The following LITAF variants were observed in gnomAD, a reference collection of about 807,000 sequenced individuals.
LITAF encodes the protein lipopolysaccharide induced TNF factor.
Under a neutral mutation model 14.5 loss-of-function variants are expected in LITAF, and 9 were observed. The ratio of observed to expected loss-of-function variants is 0.62; its 90% CI spans 0.37 to 1.08. The LOEUF is 1.08. Ranked by LOEUF, LITAF falls within the 50% of genes least tolerant of loss-of-function variation. LITAF has a pLI of 0.01. For synonymous variants in LITAF, 98 were observed against 88.2 expected, an observed-to-expected ratio of 1.11 and a Z score of -0.62; for missense variants, 206 against 213.4, an observed-to-expected ratio of 0.97 and a Z score of 0.22.
chr16:11,577,166 G>A (rs2064649727), intron 1 of LITAF, among the ~76,000 whole-genome samples: 1 of 152,112 alleles, frequency 6.6e-6, no homozygotes, highest in South Asian at 2.1e-4. Flanking sequence ...CCACCCCAGG[G>A]GAAGGGATGT....
At position 11,553,271 on chromosome 16, in the gene LITAF, C is replaced by T. The variant is rs939354234; in HGVS notation, c.377+262G>A. 6.6e-6 allele frequency among the ~76,000 whole-genome samples: 1 copy of T among 152,026 alleles called. No individual in the cohort carries two copies. The highest frequency in any genetic ancestry group is 2.4e-5 in the African/African-American group (1 of 41,396). On this transcript the variant is annotated intron_variant, in intron 3 of 3. Coordinates refer to ENST00000622633, the MANE Select transcript of LITAF (RefSeq NM_001136472.2). The surrounding 1 kb of genome is among the most constrained non-coding windows in gnomAD (Gnocchi z 7.7). ...CCAGCTCTACTAAAAATAAGCTGGG[C>T]GTGGTTGTGCACCCCTATAATCCCA... is the stretch of plus-strand genomic sequence containing the variant.
chr16:11,563,538 T>C (rs572568765), intron 1 of LITAF, among the ~76,000 whole-genome samples: 1 of 152,288 alleles, frequency 6.6e-6, no homozygotes, highest in South Asian at 2.1e-4. Flanking sequence ...ATCACCTCTC[T>C]TTCTGCCTCC....
At chr16:11,601,369 T>C (rs1597367427), upstream of LITAF, among the ~76,000 whole-genome samples, 1 of 151,976 alleles carries the variant, frequency 6.6e-6, no homozygotes. Context: ...CCCTGAAATG[T>C]AGAGGAAATA....
upstream of LITAF, among the ~76,000 whole-genome samples, chr16:11,637,315 T>G (rs561985819): frequency 1.3e-5 from 2 of 152,346 alleles, no homozygotes; most frequent in African/African-American, 4.8e-5. Flanking sequence ...GGGTCCAGGC[T>G]TGCAGCCTGG....
chr16:11,576,709 T>C (rs895698152), intron 1 of LITAF, among the ~76,000 whole-genome samples: 1 of 152,092 alleles, frequency 6.6e-6, no homozygotes, highest in African/African-American at 2.4e-5. Flanking sequence ...CTCTGAGGAC[T>C]TGGACACCAG....
intron 3 of LITAF, among the ~76,000 whole-genome samples, chr16:11,628,598 G>C (rs771878439): frequency 1.3e-5 from 2 of 152,178 alleles, no homozygotes; most frequent in Non-Finnish European, 2.9e-5. Flanking sequence ...CAAACTCCTA[G>C]GGTCAAGGGA....
At chr16:11,638,182 T>C (rs73513542), upstream of LITAF, among the ~76,000 whole-genome samples, 5,258 of 137,792 alleles carry the variant, frequency 0.038, 546 homozygotes, top group African/African-American at 0.15. Flanking sequence ...GCCAGGAACC[T>C]GAGTACATCA....
intron 3 of LITAF, among the ~76,000 whole-genome samples, chr16:11,628,567 G>A (rs1047363984): frequency 7.9e-5 from 12 of 152,308 alleles, no homozygotes; most frequent in African/African-American, 2.9e-4. Flanking sequence ...GCAGTGGCAC[G>A]ATCATAGCTC....
At chr16:11,618,279 G>T (rs1381812650) in intron 3 of LITAF, among the ~76,000 whole-genome samples, 2 of 152,212 alleles carry the variant, frequency 1.3e-5, no homozygotes, top group African/African-American at 4.8e-5. Context: ...CACTGTGCTG[G>T]TCTAGATTGC....
At position 11,611,599 on chromosome 16, in the gene LITAF, T is replaced by C. The variant is rs370487649; in HGVS notation, c.85+21934A>G. Among the ~76,000 whole-genome samples, 129 of 152,260 alleles carry C rather than the reference T, an allele frequency of 8.5e-4. 1 individual carries two copies. Among genetic ancestry groups the C allele is most frequent in the African/African-American group, 3.0e-3 (123 of 41,552 alleles). On this transcript the variant is annotated intron_variant, in intron 3 of 3. Transcript: ENST00000574848. ...GAAATGGCTACTAAATTGCAGCCAATTGGGAGCAAATTTCCTCCAAGCATT... is the reference window on the plus strand; with the variant it reads ...GAAATGGCTACTAAATTGCAGCCAACTGGGAGCAAATTTCCTCCAAGCATT...
At chr16:11,603,284 A>T (rs2064937953), upstream of LITAF, among the ~76,000 whole-genome samples, 1 of 152,204 alleles carries the variant, frequency 6.6e-6, no homozygotes, top group African/African-American at 2.4e-5. Flanking sequence ...ACCTTTAACA[A>T]TCTTTTAGAA....
intron 1 of LITAF, among the ~76,000 whole-genome samples, chr16:11,576,887 T>C (rs2064645225): frequency 6.6e-6 from 1 of 152,236 alleles, no homozygotes; most frequent in Admixed American, 6.5e-5. Context: ...AAATTCCAGA[T>C]GACTGCAGGT....
chr16:11,588,050 C>A (rs1221017540), upstream of LITAF, among the ~76,000 whole-genome samples: 1 of 152,136 alleles, frequency 6.6e-6, no homozygotes, highest in Non-Finnish European at 1.5e-5. Context: ...GTGTCCCCAG[C>A]CCCAAGTTCT....
intron 1 of LITAF, among the ~76,000 whole-genome samples, chr16:11,569,303 C>A (rs911022850): frequency 6.6e-6 from 1 of 152,064 alleles, no homozygotes. Flanking sequence ...TACAGTGGCA[C>A]CTGCATAGCT....
At chr16:11,627,022 C>T (rs1397685569) in intron 3 of LITAF, among the ~76,000 whole-genome samples, 7 of 152,010 alleles carry the variant, frequency 4.6e-5, no homozygotes, top group Non-Finnish European at 2.9e-5. Flanking sequence ...AAGCTTCTTC[C>T]AGTCTGATCC....
rs1289364271 is a variant in LITAF at position 11,548,652 on chromosome 16, C to T, written c.*985G>A. ...GAAAATGACACCAATCATTTGATTA[C>T]AGAAAATGGTTTTATAAATCCTCCT... On this transcript the variant is annotated 3_prime_UTR_variant, in exon 4 of 4. Coordinates refer to ENST00000622633, the MANE Select transcript of LITAF (RefSeq NM_001136472.2). The T allele has an allele frequency of 2.2e-6, 1 of 451,804 alleles. No homozygotes were observed. The highest frequency in any genetic ancestry group is 2.4e-5 in the Admixed American group (1 of 42,288). 28.0% of individuals were successfully genotyped at this position (451,804 alleles called of 1,614,324 possible).
intron 1 of LITAF, among the ~76,000 whole-genome samples, chr16:11,596,843 A>T (rs559801697): frequency 6.7e-6 from 1 of 150,288 alleles, no homozygotes; most frequent in East Asian, 2.0e-4. Flanking sequence ...GGTGGTGGGG[A>T]GGAGGAAGAC....
At chr16:11,589,198 C>T (rs954801625), upstream of LITAF, among the ~76,000 whole-genome samples, 7 of 152,152 alleles carry the variant, frequency 4.6e-5, no homozygotes, top group African/African-American at 1.4e-4. Context: ...GCCACGTGAT[C>T]ATCTCAATAG....
chr16:11,639,672 T>C (rs1399164471), upstream of LITAF, among the ~76,000 whole-genome samples: 1 of 149,046 alleles, frequency 6.7e-6, no homozygotes, highest in African/African-American at 2.4e-5. Context: ...ATCCAAAGTC[T>C]GGGCAAAGAA....
Sources: allele counts gnomAD v4.1 joint callset (sites outside exome capture counted in the v4.1 genomes callset), GRCh38; gene constraint gnomAD v4.1.1; non-coding constraint Gnocchi (gnomAD v3.1); transcripts MANE v1.5; gene names NCBI Gene and HGNC (gene_info 2026-07-23, HGNC 2026-07-21).